Variants in ACAP2 observed in about 807,000 individuals in gnomAD.
The protein encoded by ACAP2 is arf-GAP with coiled-coil, ANK repeat and PH domain-containing protein 2.
Under a neutral mutation model 115.8 loss-of-function variants are expected in ACAP2, and 39 were observed. That is an observed-to-expected ratio of 0.34 (90% confidence interval 0.26 to 0.44). ACAP2 has a LOEUF of 0.44. Ranked by LOEUF, ACAP2 falls within the 20% of genes least tolerant of loss-of-function variation. The probability of loss-of-function intolerance (pLI) is 1.00; values close to 1 mark genes in which losing one functional copy is unlikely to be tolerated. For synonymous variants in ACAP2, 289 were observed against 315.8 expected (o/e 0.92, Z 0.90); for missense variants, 662 against 927.6 (o/e 0.71, Z 3.72).
At chr3:195,295,199 T>C in intron 17 of ACAP2, 1 of 1,289,382 alleles carries the variant, frequency 7.8e-7, no homozygotes, top group African/African-American at 1.5e-5. Context: ...TACTTACTAC[T>C]ACGCAGTTTT....
chr3:195,310,542 T>C (rs1272899080), intron 10 of ACAP2, among the ~76,000 whole-genome samples: 3 of 152,252 alleles, frequency 2.0e-5, no homozygotes, highest in Non-Finnish European at 2.9e-5. Flanking sequence ...TACAAAATCA[T>C]TTGTTTTATA....
At chr3:195,441,044 ATTTC>A (rs1171912569) in intron 1 of ACAP2, among the ~76,000 whole-genome samples, 4 of 151,996 alleles carry the variant, frequency 2.6e-5, no homozygotes, top group African/African-American at 9.7e-5. Flanking sequence ...ATATTCAATG[ATTTC>A]TTTATTTCAA....
At chr3:195,412,454 A>G (rs983590511) in intron 1 of ACAP2, among the ~76,000 whole-genome samples, 4 of 151,440 alleles carry the variant, frequency 2.6e-5, no homozygotes, top group Non-Finnish European at 5.9e-5. Flanking sequence ...TAAAATAAAA[A>G]TACAAAAATC....
At chr3:195,303,432 T>A (rs199743000) in intron 13 of ACAP2, among the ~76,000 whole-genome samples, 98 of 134,442 alleles carry the variant, frequency 7.3e-4, no homozygotes, top group South Asian at 6.4e-3. Context: ...CATACATACA[T>A]ACAAATTAGC....
At chr3:195,287,191 TA>T (rs1726899948) in intron 21 of ACAP2, among the ~76,000 whole-genome samples, 2 of 152,206 alleles carry the variant, frequency 1.3e-5, no homozygotes, top group African/African-American at 4.8e-5. Context: ...TGATAAAGAA[TA>T]AGTGACGATA....
intron 2 of ACAP2, among the ~76,000 whole-genome samples, chr3:195,388,973 G>A (rs1433714075): frequency 1.3e-5 from 2 of 148,936 alleles, no homozygotes; most frequent in East Asian, 2.0e-4. Context: ...GCAATGAGCC[G>A]AGATCACACC....
intron 4 of ACAP2, among the ~76,000 whole-genome samples, chr3:195,367,124 C>G (rs942057976): frequency 6.6e-6 from 1 of 151,274 alleles, no homozygotes; most frequent in Admixed American, 6.6e-5. Flanking sequence ...ACTGTGCTCT[C>G]AAACAGTGGT....
intron 4 of ACAP2, among the ~76,000 whole-genome samples, chr3:195,346,938 A>T: frequency 6.6e-6 from 1 of 152,184 alleles, no homozygotes; most frequent in East Asian, 1.9e-4. Context: ...GGGATGAAAA[A>T]TCAGCGATTT....
intron 4 of ACAP2, among the ~76,000 whole-genome samples, chr3:195,377,381 G>A (rs1392736364): frequency 6.6e-6 from 1 of 151,896 alleles, no homozygotes; most frequent in African/African-American, 2.4e-5. Context: ...CAGGGCTCAA[G>A]CAATCAAACC....
intron 1 of ACAP2, among the ~76,000 whole-genome samples, chr3:195,414,984 G>A (rs1315577035): frequency 6.6e-6 from 1 of 152,172 alleles, no homozygotes; most frequent in Non-Finnish European, 1.5e-5. Context: ...GGTAAAGGGA[G>A]GGATGAATCA....
intron 18 of ACAP2, among the ~76,000 whole-genome samples, chr3:195,294,360 A>T (rs1727475214): frequency 6.6e-6 from 1 of 151,492 alleles, no homozygotes; most frequent in Admixed American, 6.6e-5. Flanking sequence ...TTGGTGGATC[A>T]CAAGGTCAGG....
intron 2 of ACAP2, among the ~76,000 whole-genome samples, chr3:195,389,924 AGT>A (rs1200955909): frequency 1.3e-5 from 2 of 152,214 alleles, no homozygotes; most frequent in Non-Finnish European, 2.9e-5. Context: ...GGCCGGGTGC[AGT>A]GGCTCATGCC....
intron 1 of ACAP2, among the ~76,000 whole-genome samples, chr3:195,405,813 G>C (rs1185555343): frequency 6.6e-6 from 1 of 152,112 alleles, no homozygotes; most frequent in African/African-American, 2.4e-5. Flanking sequence ...ACCAAATCAC[G>C]GCAGAAGGCA....
intron 4 of ACAP2, among the ~76,000 whole-genome samples, chr3:195,366,487 C>T (rs946418699): frequency 3.3e-5 from 5 of 152,146 alleles, no homozygotes; most frequent in African/African-American, 1.2e-4. Context: ...TGTGACCAAA[C>T]ATTACCGCCA....
At chr3:195,386,179 G>C in intron 2 of ACAP2, among the ~76,000 whole-genome samples, 1 of 152,164 alleles carries the variant, frequency 6.6e-6, no homozygotes. Flanking sequence ...GAAATGTTCA[G>C]AATAGGCAAA....
At chr3:195,373,480 T>A (rs1413627882) in intron 4 of ACAP2, among the ~76,000 whole-genome samples, 1 of 152,174 alleles carries the variant, frequency 6.6e-6, no homozygotes, top group East Asian at 1.9e-4. Context: ...TTGCTAAAAT[T>A]TATGAATTAA....
At chr3:195,326,497 T>G (rs1729803882) in intron 9 of ACAP2, 1 of 164,984 alleles carries the variant, frequency 6.1e-6, no homozygotes, top group Non-Finnish European at 1.3e-5. Context: ...ACACGCATGT[T>G]GACACTAAGG....
intron 1 of ACAP2, among the ~76,000 whole-genome samples, chr3:195,437,884 GC>G (rs1203783960): frequency 9.7e-5 from 9 of 93,096 alleles, no homozygotes; most frequent in African/African-American, 4.1e-4. Context: ...TACTTTACAT[GC>G]TTTTTTTTTT....
At chr3:195,332,544 A>T (rs1577314468) in intron 8 of ACAP2, among the ~76,000 whole-genome samples, 1 of 152,050 alleles carries the variant, frequency 6.6e-6, no homozygotes, top group Non-Finnish European at 1.5e-5. Context: ...TTCATTCTTC[A>T]TTAAGTAAAT....
Sources: allele counts gnomAD v4.1 joint callset (sites outside exome capture counted in the v4.1 genomes callset), GRCh38; gene constraint gnomAD v4.1.1; transcripts MANE v1.5; gene names NCBI Gene and HGNC (gene_info 2026-07-23, HGNC 2026-07-21).